RIMS1: variants seen among roughly 807,000 people sequenced by gnomAD.
RIMS1 encodes the protein regulating synaptic membrane exocytosis protein 1.
In RIMS1, 83 loss-of-function variants were observed where a neutral mutation model predicts 214.1. The ratio of observed to expected loss-of-function variants is 0.39; its 90% CI spans 0.32 to 0.47. The LOEUF (loss-of-function observed/expected upper bound fraction) is 0.47. Ranked by LOEUF, RIMS1 falls within the 20% of genes least tolerant of loss-of-function variation. The pLI is 0.99. For missense variants in RIMS1, 2,050 were observed against 2,161.8 expected, an observed-to-expected ratio of 0.95 and a Z score of 1.03; for synonymous variants, 793 against 786.8, an observed-to-expected ratio of 1.01 and a Z score of -0.13.
chr6:72,083,476 C>A (rs1232604674), intron 2 of RIMS1, among the ~76,000 whole-genome samples: 1 of 152,070 alleles, frequency 6.6e-6, no homozygotes, highest in Non-Finnish European at 1.5e-5. Context: ...TTCACTCTGA[C>A]TTCCATCTCA....
At chr6:72,272,026 C>A (rs140014028) in intron 22 of RIMS1, among the ~76,000 whole-genome samples, 5 of 152,120 alleles carry the variant, frequency 3.3e-5, no homozygotes, top group Non-Finnish European at 5.9e-5. Context: ...ATACCTGATA[C>A]TAAAGTATGA....
intron 26 of RIMS1, among the ~76,000 whole-genome samples, chr6:72,294,625 A>G (rs1006429058): frequency 6.6e-6 from 1 of 151,768 alleles, no homozygotes; most frequent in Non-Finnish European, 1.5e-5. Context: ...TGCCAGGACA[A>G]TTTGACTGTT....
intron 1 of RIMS1, among the ~76,000 whole-genome samples, chr6:71,904,594 A>T (rs1284488590): frequency 1.3e-5 from 2 of 152,148 alleles, no homozygotes; most frequent in African/African-American, 4.8e-5. Context: ...GGCTTAGTGC[A>T]GCATCCACTC....
rs34645921 is a variant in RIMS1, at chr6:72,223,947, C to CAAAAAAA, written c.1679-9814_1679-9808dup. Among the ~76,000 whole-genome samples, 3 of 105,948 alleles carry CAAAAAAA rather than the reference C, an allele frequency of 2.8e-5. 1 individual carries two copies. The allele number at this position is 105,948 out of a possible 152,430, so 69.5% of individuals were successfully genotyped here. ...TGGGTGACAGAGCGAGACTCCGTCT[C>CAAAAAAA]AAAAAAAAAAAAAAAAAAGCCAGTT... On this transcript the variant is annotated intron_variant, in intron 6 of 33. Coordinates refer to ENST00000521978, the MANE Select transcript of RIMS1 (RefSeq NM_014989.7).
intron 1 of RIMS1, among the ~76,000 whole-genome samples, chr6:71,896,490 A>C (rs1582000307): frequency 3.3e-5 from 5 of 152,158 alleles, no homozygotes; most frequent in Admixed American, 3.3e-4. Context: ...TCCAGGGGCT[A>C]TCTAGTCCCT....
chr6:72,378,335 A>T lies in RIMS1; in HGVS notation c.4367-12263A>T, dbSNP rs182748448. 2.2e-4 allele frequency among the ~76,000 whole-genome samples: 34 copies of T among 152,366 alleles called. No homozygotes were observed. The East Asian group carries it at 5.6e-3, about 25-fold the overall frequency. On this transcript the variant is annotated intron_variant, in intron 29 of 33. Coordinates refer to ENST00000521978, the MANE Select transcript of RIMS1 (RefSeq NM_014989.7). ...ACCACCCCAATTTTGATGAAAATCC[A>T]TCTAATTTATTTTGTGGAATGTGGT...
intron 29 of RIMS1, among the ~76,000 whole-genome samples, chr6:72,371,841 T>A (rs1464043167): frequency 6.6e-6 from 1 of 152,188 alleles, no homozygotes; most frequent in African/African-American, 2.4e-5. Context: ...AATTCTGCCA[T>A]TTACTGGCGA....
Position 72,032,063 on chromosome 6 carries a change from CA to C in RIMS1, c.245+63001del, listed in dbSNP as rs751394336. ...CTGGAGACTAATGATGCATTTATATCAGGGGAAAGGAAGGAATGCAGAGTCT... is the reference window on the plus strand; with the variant it reads ...CTGGAGACTAATGATGCATTTATATCGGGGAAAGGAAGGAATGCAGAGTCT... On this transcript the variant is annotated intron_variant, in intron 2 of 33. Transcript: ENST00000521978. Among the ~76,000 whole-genome samples the C allele has an allele frequency of 3.3e-5, 5 of 151,876 alleles. No homozygotes were observed. The East Asian group carries it at 5.8e-4, about 18-fold the overall frequency.
chr6:72,130,803 T>TA (rs962671040), intron 4 of RIMS1, among the ~76,000 whole-genome samples: 80 of 152,092 alleles, frequency 5.3e-4, no homozygotes, highest in African/African-American at 1.8e-3. Flanking sequence ...GAAAATACAC[T>TA]AAGGCACTGA....
At chr6:72,203,265 G>A (rs1392728831) in intron 6 of RIMS1, among the ~76,000 whole-genome samples, 2 of 152,134 alleles carry the variant, frequency 1.3e-5, no homozygotes, top group African/African-American at 2.4e-5. Flanking sequence ...GGGATTACAG[G>A]CATGAGCCAC....
intron 24 of RIMS1, among the ~76,000 whole-genome samples, chr6:72,286,880 A>G (rs2092417946): frequency 6.6e-6 from 1 of 152,220 alleles, no homozygotes; most frequent in African/African-American, 2.4e-5. Context: ...GCCCTCAACA[A>G]ATGTAACCTC....
intron 6 of RIMS1, among the ~76,000 whole-genome samples, chr6:72,195,124 A>G (rs1323213678): frequency 1.3e-5 from 2 of 152,210 alleles, no homozygotes; most frequent in Non-Finnish European, 2.9e-5. Flanking sequence ...AGGGAAAGCC[A>G]CTTATACTTA....
chr6:71,945,770 A>G (rs916442000), intron 1 of RIMS1, among the ~76,000 whole-genome samples: 6 of 143,534 alleles, frequency 4.2e-5, no homozygotes, highest in Non-Finnish European at 6.1e-5. Context: ...TTTTTTGGAG[A>G]TGGAGTTTCA....
intron 31 of RIMS1, among the ~76,000 whole-genome samples, chr6:72,394,111 G>A (rs1012832318): frequency 2.6e-5 from 4 of 151,858 alleles, no homozygotes; most frequent in African/African-American, 9.7e-5. Context: ...TGATAGCAAA[G>A]GAAGAACTAA....
At chr6:72,018,141 T>C (rs1221695057) in intron 2 of RIMS1, among the ~76,000 whole-genome samples, 3 of 152,146 alleles carry the variant, frequency 2.0e-5, no homozygotes, top group African/African-American at 2.4e-5. Flanking sequence ...AGGATATTAC[T>C]TGAGGGCTAT....
At chr6:72,169,278 A>G (rs2046694385) in intron 4 of RIMS1, among the ~76,000 whole-genome samples, 1 of 152,242 alleles carries the variant, frequency 6.6e-6, no homozygotes, top group Non-Finnish European at 1.5e-5. Flanking sequence ...ATAGGCATGC[A>G]TAATGCATTA....
chr6:72,388,419 T>C (rs992318146), intron 29 of RIMS1, among the ~76,000 whole-genome samples: 2 of 152,222 alleles, frequency 1.3e-5, no homozygotes, highest in Non-Finnish European at 2.9e-5. Context: ...GACCAGATGA[T>C]ATGGCATTTC....
intron 6 of RIMS1, among the ~76,000 whole-genome samples, chr6:72,196,527 A>G (rs1214376860): frequency 2.1e-5 from 3 of 144,850 alleles, no homozygotes; most frequent in East Asian, 2.1e-4. Flanking sequence ...AACAATTACA[A>G]CTTAACCCAT....
intron 4 of RIMS1, among the ~76,000 whole-genome samples, chr6:72,140,906 T>C (rs2042005420): frequency 1.3e-5 from 2 of 152,064 alleles, no homozygotes; most frequent in South Asian, 4.1e-4. Flanking sequence ...GGTTTGGGGT[T>C]GAGAAAAGTA....
Sources: gnomAD v4.1 joint callset for allele counts (sites outside exome capture counted in the v4.1 genomes callset) on GRCh38, gnomAD v4.1.1 for gene constraint, MANE v1.5 for transcripts, NCBI Gene and HGNC (gene_info 2026-07-23, HGNC 2026-07-21) for gene names.